Variants in FBXO40 observed in about 807,000 individuals in gnomAD.
FBXO40 encodes F-box only protein 40.
A neutral mutation model predicts 49.9 loss-of-function variants in FBXO40; 50 were observed. That is an observed-to-expected ratio of 1.00 (90% CI 0.80 to 1.27). The LOEUF is 1.27. Ranked by LOEUF, FBXO40 falls within the 50% of genes most tolerant of loss-of-function variation. The probability of loss-of-function intolerance (pLI) is 0.00; values close to 1 mark genes in which losing one functional copy is unlikely to be tolerated. For synonymous variants in FBXO40, 340 were observed against 320.2 expected, an observed-to-expected ratio of 1.06 and a Z score of -0.66; for missense variants, 895 against 870.1, an observed-to-expected ratio of 1.03 and a Z score of -0.36.
rs752583608 is a variant in FBXO40 at position 121,622,635 on chromosome 3, T to C, written c.1206T>C (p.Cys402=). The C allele has an allele frequency of 6.2e-7, 1 of 1,614,226 alleles. No individual in the cohort carries two copies. The highest frequency in any genetic ancestry group is 2.2e-5 in the East Asian group (1 of 44,886). ...KSDLIKTTLQ[C]ALERELKGHV... ...ATCTCATCAAGACCACCCTCCAGTG[T>C]GCTTTGGAAAGAGAACTCAAAGGCC... The change falls in exon 3 of 4, where the codon TGT becomes TGC. Residue 402 remains cysteine, a synonymous_variant. Transcript: ENST00000338040.
rs1056745489 is a variant in FBXO40 at position 121,628,239 on chromosome 3, T to C, written c.*1329T>C. 2.1e-4 allele frequency: 42 copies of C among 202,798 alleles called. No homozygotes were observed. The highest frequency in any genetic ancestry group is 9.4e-4 in the African/African-American group (41 of 43,538). The allele number at this position is 202,798 out of a possible 1,614,324, so 12.6% of individuals were successfully genotyped here. On this transcript the variant is annotated 3_prime_UTR_variant, in exon 4 of 4. Transcript: ENST00000338040. The stretch of plus-strand genomic sequence containing the variant: ...TTGCCCAGGCTGGAGCGCAATGACA[T>C]GATCTCGGCTCACCGCAACCTCCGC...
chr3:121,623,070 G>A lies in FBXO40; in HGVS notation c.1641G>A (p.Pro547=), dbSNP rs146434682. Residue 547 remains proline, a synonymous_variant, in exon 3 of 4, where the codon CCG becomes CCA. Transcript: ENST00000338040. ...AGCTCAAGACCTTTGCCATTAAGCC[G>A]GAGGTTGCTCCAGAGCTGAGCGAGG... ...SQELKTFAIK[P]EVAPELSEGR... 4.3e-5 allele frequency: 70 copies of A among 1,614,180 alleles called. No individual in the cohort carries two copies. The highest frequency in any genetic ancestry group is 3.3e-4 in the Middle Eastern group (2 of 6,062).
At chr3:121,618,513 A>T in intron 1 of FBXO40, among the ~76,000 whole-genome samples, 1 of 150,448 alleles carries the variant, frequency 6.6e-6, no homozygotes. Flanking sequence ...CAGCCTCCCG[A>T]GTAGCTGAGA....
At position 121,623,149 on chromosome 3, in the gene FBXO40, A is replaced by G. The variant is rs1378075658; in HGVS notation, c.1720A>G (p.Thr574Ala). Reference protein sequence around the residue: ...GHGGKSQNSLTSLPLEILKYI... With the variant: ...GHGGKSQNSLASLPLEILKYI... ...TGGAGGAAAAAGCCAGAATTCTTTAACCAGCCTGCCCCTGGAGATTTTGAA... is the reference window on the plus strand; with the variant it reads ...TGGAGGAAAAAGCCAGAATTCTTTAGCCAGCCTGCCCCTGGAGATTTTGAA... The change falls in exon 3 of 4, where the codon ACC becomes GCC. Residue 574 changes from threonine (T) to alanine (A), a missense_variant. Transcript: ENST00000338040. 16 of 1,614,042 alleles carry G rather than the reference A, an allele frequency of 9.9e-6. No homozygotes were observed. Among genetic ancestry groups the G allele is most frequent in the African/African-American group, 6.7e-5 (5 of 74,906 alleles).
At chr3:121,620,663 A>AC in intron 2 of FBXO40, 85 bp downstream of exon 2, 1 of 1,535,688 alleles carries the variant, frequency 6.5e-7, no homozygotes, top group Non-Finnish European at 9.0e-7. Flanking sequence ...CAGCTAGCAG[A>AC]CTTGCTCTTA....
At position 121,604,974 on chromosome 3, in the gene FBXO40, A is replaced by T. The variant is rs201546632; in HGVS notation, c.-31+11472A>T. On this transcript the variant is annotated intron_variant, in intron 1 of 3. Coordinates refer to ENST00000338040, the MANE Select transcript of FBXO40 (RefSeq NM_016298.4). ...TATTTATTTATTTATTTATTTATTT[A>T]TTATTTATTTATTTATTTGACACAG... Among the ~76,000 whole-genome samples, 87 of 133,014 alleles carry T rather than the reference A, an allele frequency of 6.5e-4. No homozygotes were observed. The South Asian group carries it at 7.0e-3, about 11-fold the overall frequency. The allele number at this position is 133,014 out of a possible 152,430, so 87.3% of individuals were successfully genotyped here.
intron 1 of FBXO40, among the ~76,000 whole-genome samples, 170 bp downstream of exon 1, chr3:121,593,672 G>C (rs568328157): frequency 2.0e-5 from 3 of 152,316 alleles, no homozygotes; most frequent in African/African-American, 7.2e-5. Context: ...AGATCCAGCC[G>C]TGTGTAAATT....
intron 2 of FBXO40, among the ~76,000 whole-genome samples, chr3:121,621,188 CA>C (rs1261792725): frequency 6.6e-6 from 1 of 152,152 alleles, no homozygotes; most frequent in Non-Finnish European, 1.5e-5. Flanking sequence ...CCATTATATT[CA>C]ATTCTTTTTT....
At chr3:121,604,161 C>T (rs3845865) in intron 1 of FBXO40, among the ~76,000 whole-genome samples, 1 of 152,126 alleles carries the variant, frequency 6.6e-6, no homozygotes, top group Non-Finnish European at 1.5e-5. Flanking sequence ...TGCTGAGAAA[C>T]GTCATTGATG....
Position 121,611,580 on chromosome 3 carries a change from C to G in FBXO40, c.-30-8966C>G, listed in dbSNP as rs542272966. Among the ~76,000 whole-genome samples, 5 of 152,262 alleles carry G rather than the reference C, an allele frequency of 3.3e-5. No homozygotes were observed. The South Asian group carries it at 1.0e-3, about 32-fold the overall frequency. On this transcript the variant is annotated intron_variant, in intron 1 of 3. Transcript: ENST00000338040. The stretch of plus-strand genomic sequence containing the variant: ...ACAAATATACAATCAGGTTTTATAC[C>G]GAGACATTCAGTTCCCAGGGGCAGG...
rs1274515259 is a variant in FBXO40, at chr3:121,626,806, A to G, written c.2026A>G (p.Thr676Ala). Reference sequence around the variant, plus strand: ...TCCTTTCAACATTGTAGAGCACAAAACTGACCCGATTCTTTTGACTAGCAT... The same window carrying G: ...TCCTTTCAACATTGTAGAGCACAAAGCTGACCCGATTCTTTTGACTAGCAT... ...SCPFNIVEHK[T>A]DPILLTSMCQ... Residue 676 changes from threonine to alanine, a missense_variant, in exon 4 of 4, where the codon ACT becomes GCT. Transcript: ENST00000338040. The G allele has an allele frequency of 1.2e-6, 2 of 1,614,006 alleles. No individual in the cohort carries two copies. Among genetic ancestry groups the G allele is most frequent in the Non-Finnish European group, 1.7e-6 (2 of 1,180,040 alleles).
intron 1 of FBXO40, among the ~76,000 whole-genome samples, chr3:121,613,231 C>T (rs2048977416): frequency 6.6e-6 from 1 of 152,152 alleles, no homozygotes; most frequent in Non-Finnish European, 1.5e-5. Context: ...CAAGATTGTA[C>T]TGCCTCCAGC....
intron 3 of FBXO40, among the ~76,000 whole-genome samples, chr3:121,625,754 T>C (rs997455879): frequency 2.6e-5 from 4 of 152,194 alleles, no homozygotes; most frequent in Admixed American, 6.5e-5. Flanking sequence ...GAAAATTTAG[T>C]TGGGGCTAAA....
rs200610628 is a variant in FBXO40 at position 121,622,355 on chromosome 3, T to C, written c.926T>C (p.Met309Thr). 2.7e-5 allele frequency: 44 copies of C among 1,614,060 alleles called. No individual in the cohort carries two copies. The highest frequency in any genetic ancestry group is 8.5e-7 in the Non-Finnish European group (1 of 1,180,036). The change falls in exon 3 of 4, where the codon ATG becomes ACG. Residue 309 changes from methionine (M) to threonine (T), a missense_variant. Transcript: ENST00000338040. Reference protein sequence around the residue: ...KTAVDAKDYNMYLVHNGRMLI... With the variant: ...KTAVDAKDYNTYLVHNGRMLI... ...GCTGTGGATGCAAAGGACTATAACA[T>C]GTATCTAGTGCACAATGGGCGGATG...
At chr3:121,597,837 A>G (rs2108843531) in intron 1 of FBXO40, among the ~76,000 whole-genome samples, 1 of 151,850 alleles carries the variant, frequency 6.6e-6, no homozygotes, top group Non-Finnish European at 1.5e-5. Flanking sequence ...ACTTTTTTGT[A>G]TTTTTAGTAG....
At chr3:121,604,731 T>C (rs1324896968) in intron 1 of FBXO40, among the ~76,000 whole-genome samples, 2 of 152,204 alleles carry the variant, frequency 1.3e-5, no homozygotes, top group Non-Finnish European at 2.9e-5. Flanking sequence ...GATAGCCTTA[T>C]GCATATAATA....
At chr3:121,601,423 G>A (rs984814433) in intron 1 of FBXO40, among the ~76,000 whole-genome samples, 8 of 151,358 alleles carry the variant, frequency 5.3e-5, no homozygotes, top group Non-Finnish European at 8.8e-5. Flanking sequence ...AAAAAAAAGC[G>A]TCTTTGTTAT....
At chr3:121,614,299 G>A (rs552629556) in intron 1 of FBXO40, among the ~76,000 whole-genome samples, 26 of 146,972 alleles carry the variant, frequency 1.8e-4, no homozygotes, top group Middle Eastern at 3.6e-3. Flanking sequence ...AAAATTAGCT[G>A]GGCGTGGTGG....
chr3:121,622,207 G>A lies in FBXO40; in HGVS notation c.778G>A (p.Gly260Arg). 2 of 1,614,010 alleles carry A rather than the reference G, an allele frequency of 1.2e-6. No homozygotes were observed. The highest frequency in any genetic ancestry group is 1.7e-6 in the Non-Finnish European group (2 of 1,179,974). Residue 260 changes from glycine to arginine, a missense_variant, in exon 3 of 4, where the codon GGA becomes AGA. Gly to Arg is a moderately radical substitution (Grantham distance 125, BLOSUM62 -2). Transcript: ENST00000338040. Reference sequence around the variant, plus strand: ...TTCCAGTGGCCATAACATGGTAGAAGGAGAGGGCGCTCCCAAAAAGAAAGA... The same window carrying A: ...TTCCAGTGGCCATAACATGGTAGAAAGAGAGGGCGCTCCCAAAAAGAAAGA... Reference protein sequence around the residue: ...QISSGHNMVEGEGAPKKKEPQ... With the variant: ...QISSGHNMVEREGAPKKKEPQ...
Sources: allele counts gnomAD v4.1 joint callset (sites outside exome capture counted in the v4.1 genomes callset), GRCh38; gene constraint gnomAD v4.1.1; transcripts MANE v1.5; gene names NCBI Gene and HGNC (gene_info 2026-07-23, HGNC 2026-07-21).